The following EYS variants were observed in gnomAD, a reference collection of about 807,000 sequenced individuals.
The protein encoded by EYS is EGF-like photoreceptor maintenance factor.
EYS carries 250 observed loss-of-function variants against 282.1 expected under a neutral mutation model. That is an observed-to-expected ratio of 0.89 (90% CI 0.80 to 0.98). The LOEUF is 0.98. EYS is among the 50% of genes least tolerant of loss of function. EYS has a pLI of 0.00. For synonymous variants in EYS, 1,355 were observed against 1,282.9 expected (o/e 1.06, Z -1.20); for missense variants, 4,016 against 3,709.0 (o/e 1.08, Z -2.15).
intron 26 of EYS, among the ~76,000 whole-genome samples, chr6:64,554,483 A>G (rs78446405): frequency 0.01 from 1,567 of 152,178 alleles, 11 homozygotes; most frequent in South Asian, 0.026. Context: ...TAATAAGTAG[A>G]TAATTCCAAC....
intron 7 of EYS, among the ~76,000 whole-genome samples, chr6:65,385,744 A>T (rs1765774146): frequency 6.6e-6 from 1 of 151,962 alleles, no homozygotes; most frequent in Non-Finnish European, 1.5e-5. Flanking sequence ...CCATAGATGA[A>T]GACCTTTATG....
At chr6:63,738,573 T>C (rs1458536515) in intron 41 of EYS, among the ~76,000 whole-genome samples, 2 of 119,540 alleles carry the variant, frequency 1.7e-5, no homozygotes, top group Non-Finnish European at 3.3e-5. Context: ...AACATCACAC[T>C]CTGGGGACTG....
chr6:64,430,113 T>C (rs1215822465), intron 28 of EYS, among the ~76,000 whole-genome samples: 1 of 152,218 alleles, frequency 6.6e-6, no homozygotes, highest in Non-Finnish European at 1.5e-5. Context: ...CTGTTCTTGG[T>C]TTCATTCTTA....
At chr6:64,234,799 A>G (rs1328337235) in intron 30 of EYS, among the ~76,000 whole-genome samples, 1 of 152,014 alleles carries the variant, frequency 6.6e-6, no homozygotes, top group Non-Finnish European at 1.5e-5. Context: ...CAGATAACAT[A>G]TATAGTTTTG....
intron 31 of EYS, among the ~76,000 whole-genome samples, chr6:64,097,132 C>T (rs1189739023): frequency 6.6e-6 from 1 of 152,114 alleles, no homozygotes; most frequent in Non-Finnish European, 1.5e-5. Flanking sequence ...CAGAGGAGTA[C>T]CCAGCCGTGT....
At chr6:65,325,872 A>C (rs1769604569) in intron 11 of EYS, among the ~76,000 whole-genome samples, 1 of 152,152 alleles carries the variant, frequency 6.6e-6, no homozygotes, top group Non-Finnish European at 1.5e-5. Context: ...GCTAAACTGT[A>C]AGAGGCCTCC....
intron 31 of EYS, among the ~76,000 whole-genome samples, chr6:64,151,317 T>TTATATATATATA (rs61575285): frequency 8.8e-4 from 46 of 52,422 alleles, no homozygotes; most frequent in Non-Finnish European, 1.0e-3. Flanking sequence ...GTGTGTATAT[T>TTATATATATATA]TATATATATA....
At chr6:64,686,382 A>G (rs1161493302) in intron 22 of EYS, among the ~76,000 whole-genome samples, 11 of 152,000 alleles carry the variant, frequency 7.2e-5, no homozygotes, top group African/African-American at 2.7e-4. Flanking sequence ...ATACTGATGA[A>G]GTAAAAAGGA....
chr6:64,818,350 G>T (rs531318193), intron 21 of EYS, among the ~76,000 whole-genome samples: 38 of 151,922 alleles, frequency 2.5e-4, no homozygotes, highest in Non-Finnish European at 1.6e-4. Context: ...CCTTCTAATT[G>T]TCACTTGGAC....
At chr6:65,327,635 A>G (rs1769661167) in intron 11 of EYS, among the ~76,000 whole-genome samples, 1 of 151,694 alleles carries the variant, frequency 6.6e-6, no homozygotes, top group Admixed American at 6.6e-5. Flanking sequence ...TTCATAATGT[A>G]TCCTACCTAC....
intron 36 of EYS, among the ~76,000 whole-genome samples, chr6:63,855,014 T>G (rs1459139033): frequency 6.6e-6 from 1 of 152,234 alleles, no homozygotes; most frequent in Non-Finnish European, 1.5e-5. Context: ...TACTCCACTC[T>G]GGGAACCATT....
intron 22 of EYS, among the ~76,000 whole-genome samples, chr6:64,717,273 A>T (rs1771428942): frequency 6.6e-6 from 1 of 152,188 alleles, no homozygotes; most frequent in African/African-American, 2.4e-5. Flanking sequence ...ATGAGTCTGC[A>T]AGCAATTGAC....
At chr6:64,681,222 A>G (rs896727390) in intron 22 of EYS, among the ~76,000 whole-genome samples, 4 of 152,206 alleles carry the variant, frequency 2.6e-5, no homozygotes, top group African/African-American at 9.6e-5. Context: ...CAAAGACAGG[A>G]AGAAACTGAA....
rs147749629 is a variant in EYS at position 65,048,400 on chromosome 6, A to G, written c.2137+9214T>C. On this transcript the variant is annotated intron_variant, in intron 13 of 42. Transcript: ENST00000503581. ...AAATCACATTGGACTGTCCAATCCT[A>G]TTTAGGACTTTCTTACTACTTCTTC... Among the ~76,000 whole-genome samples, 8 of 151,894 alleles carry G rather than the reference A, an allele frequency of 5.3e-5. 1 individual carries two copies. The highest frequency in any genetic ancestry group is 1.9e-4 in the African/African-American group (8 of 41,486).
At position 65,614,082 on chromosome 6, in the gene EYS, G is replaced by T. The variant is rs117084672; in HGVS notation, c.-333+25696C>A. 5.4e-4 allele frequency among the ~76,000 whole-genome samples: 82 copies of T among 151,994 alleles called. 1 individual carries two copies. Among genetic ancestry groups the T allele is most frequent in the African/African-American group, 1.9e-3 (77 of 41,524 alleles). On this transcript the variant is annotated intron_variant, in intron 2 of 42. Coordinates refer to ENST00000503581, the MANE Select transcript of EYS (RefSeq NM_001142800.2). ...AGGCACATGGGATATACAATACGAC[G>T]TGTCTTTAAATTTCACTTATTTCAT...
intron 29 of EYS, among the ~76,000 whole-genome samples, chr6:64,331,462 C>A (rs1770642711): frequency 6.6e-6 from 1 of 152,054 alleles, no homozygotes; most frequent in African/African-American, 2.4e-5. Context: ...CCTTACCATG[C>A]CCTTACTGGA....
At chr6:64,851,302 C>G (rs1765873270) in intron 19 of EYS, among the ~76,000 whole-genome samples, 1 of 151,960 alleles carries the variant, frequency 6.6e-6, no homozygotes, top group African/African-American at 2.4e-5. Flanking sequence ...AGGCCAGTGG[C>G]TCCTTTGTTT....
chr6:64,940,639 T>G (rs1023508502), intron 15 of EYS, among the ~76,000 whole-genome samples: 130 of 152,174 alleles, frequency 8.5e-4, no homozygotes, highest in African/African-American at 3.0e-3. Flanking sequence ...TTTTTATATA[T>G]CTTTAACTAA....
At chr6:63,742,106 T>C in intron 41 of EYS, 3 of 619,028 alleles carry the variant, frequency 4.8e-6, no homozygotes, top group Middle Eastern at 2.9e-4. Context: ...CTTGTACATC[T>C]GTCCTGCAGT....
Sources: allele counts gnomAD v4.1 joint callset (sites outside exome capture counted in the v4.1 genomes callset), GRCh38; gene constraint gnomAD v4.1.1; transcripts MANE v1.5; gene names NCBI Gene and HGNC (gene_info 2026-07-23, HGNC 2026-07-21).